Variants in CATSPER3 observed in about 807,000 individuals in gnomAD.
CATSPER3 encodes the protein cation channel sperm-associated protein 3.
In CATSPER3, 23 loss-of-function variants were observed where a neutral mutation model predicts 36.6. That is an observed-to-expected ratio of 0.63 (90% confidence interval 0.45 to 0.89). The LOEUF (loss-of-function observed/expected upper bound fraction) is 0.89. Among genes scored for constraint, CATSPER3 ranks in the 40% least tolerant of loss-of-function variants. The pLI, the probability that CATSPER3 is intolerant of heterozygous loss-of-function variation, is 0.00. For synonymous variants in CATSPER3, 172 were observed against 184.1 expected (o/e 0.93, Z 0.53); for missense variants, 474 against 503.9 (o/e 0.94, Z 0.57).
intron 2 of CATSPER3, among the ~76,000 whole-genome samples, chr5:134,989,476 G>A (rs983732818): frequency 1.6e-4 from 24 of 152,132 alleles, no homozygotes; most frequent in African/African-American, 4.6e-4. Context: ...CTAGATCTTC[G>A]GGATAAGGCG....
intron 2 of CATSPER3, among the ~76,000 whole-genome samples, chr5:134,971,247 C>T (rs1190550692): frequency 6.6e-6 from 1 of 152,012 alleles, no homozygotes; most frequent in Non-Finnish European, 1.5e-5. Flanking sequence ...CTGTGCCCGG[C>T]CCCTCCCATC....
At chr5:135,008,311 G>A (rs1752117536) in intron 4 of CATSPER3, among the ~76,000 whole-genome samples, 172 bp downstream of exon 4, 1 of 152,148 alleles carries the variant, frequency 6.6e-6, no homozygotes, top group Non-Finnish European at 1.5e-5. Context: ...CACCCTGCAC[G>A]GGGCTCCATC....
intron 2 of CATSPER3, among the ~76,000 whole-genome samples, chr5:134,982,987 G>A (rs1751767744): frequency 6.6e-6 from 1 of 152,122 alleles, no homozygotes; most frequent in Non-Finnish European, 1.5e-5. Flanking sequence ...ATTAAAAATA[G>A]ATTGTTATAA....
At chr5:134,971,453 G>T (rs1287297022) in intron 2 of CATSPER3, among the ~76,000 whole-genome samples, 2 of 152,024 alleles carry the variant, frequency 1.3e-5, no homozygotes, top group South Asian at 4.2e-4. Context: ...GAGCAACTAG[G>T]TAGCAAAGCC....
At chr5:134,972,847 A>T (rs1012656117) in intron 2 of CATSPER3, among the ~76,000 whole-genome samples, 2 of 152,232 alleles carry the variant, frequency 1.3e-5, no homozygotes, top group African/African-American at 4.8e-5. Flanking sequence ...AACATATTCT[A>T]GTAAAATTAT....
At chr5:134,971,916 C>G (rs1001671866) in intron 2 of CATSPER3, among the ~76,000 whole-genome samples, 1 of 152,142 alleles carries the variant, frequency 6.6e-6, no homozygotes, top group African/African-American at 2.4e-5. Context: ...AGAATGAGCT[C>G]AGTGAGGTTA....
At chr5:134,995,102 G>A (rs1751928765) in intron 2 of CATSPER3, among the ~76,000 whole-genome samples, 2 of 151,414 alleles carry the variant, frequency 1.3e-5, no homozygotes, top group African/African-American at 4.9e-5. Flanking sequence ...AATCAAATCA[G>A]GATAATTGCC....
chr5:134,981,807 G>A (rs1751755648), intron 2 of CATSPER3, among the ~76,000 whole-genome samples: 1 of 152,190 alleles, frequency 6.6e-6, no homozygotes, highest in South Asian at 2.1e-4. Flanking sequence ...CCCAGTCATT[G>A]GAATTACTAG....
At chr5:134,976,183 T>C (rs1423612167) in intron 2 of CATSPER3, among the ~76,000 whole-genome samples, 1 of 152,176 alleles carries the variant, frequency 6.6e-6, no homozygotes, top group Non-Finnish European at 1.5e-5. Context: ...TTCTGCAGGC[T>C]GTACAGGAAG....
intron 2 of CATSPER3, among the ~76,000 whole-genome samples, chr5:134,975,549 G>T (rs1484362302): frequency 6.6e-6 from 1 of 152,160 alleles, no homozygotes; most frequent in Non-Finnish European, 1.5e-5. Flanking sequence ...GGAGGTCAAG[G>T]CTGTAGTGAG....
chr5:134,997,523 A>G (rs140850443), intron 3 of CATSPER3, among the ~76,000 whole-genome samples: 3 of 152,266 alleles, frequency 2.0e-5, no homozygotes, highest in African/African-American at 7.2e-5. Flanking sequence ...CCTACACTCC[A>G]GAATATCTAG....
In CATSPER3 at chr5:134,996,458, T is replaced by C. The variant is rs1469798240; in HGVS notation, c.438T>C (p.Asp146=). 15 of 1,614,104 alleles carry C rather than the reference T, an allele frequency of 9.3e-6. No individual in the cohort carries two copies. Among genetic ancestry groups the C allele is most frequent in the South Asian group, 1.1e-5 (1 of 91,090 alleles). Residue 146 remains aspartate (D), a synonymous_variant, in exon 3 of 8, where the codon GAT becomes GAC. Coordinates refer to ENST00000282611, the MANE Select transcript of CATSPER3 (RefSeq NM_178019.3). ...GKQFTYLYIA[D]GMQSLRILKL... is the part of the protein sequence containing the mutation. ...AGTTCACTTACCTGTATATCGCTGA[T>C]GGCATGCAGTCCCTGCGCATCCTCA...
intron 3 of CATSPER3, among the ~76,000 whole-genome samples, chr5:134,998,636 A>G (rs1042055349): frequency 4.6e-5 from 7 of 152,198 alleles, no homozygotes; most frequent in Non-Finnish European, 8.8e-5. Flanking sequence ...ATGGTATCTC[A>G]TTGTGGTTTT....
intron 3 of CATSPER3, among the ~76,000 whole-genome samples, chr5:135,004,795 C>T (rs1353841047): frequency 6.6e-6 from 1 of 152,158 alleles, no homozygotes; most frequent in African/African-American, 2.4e-5. Context: ...AAGGTTGGCC[C>T]TGCCCAAAAG....
intron 3 of CATSPER3, among the ~76,000 whole-genome samples, chr5:135,002,196 G>A (rs1752028405): frequency 6.6e-6 from 1 of 152,200 alleles, no homozygotes; most frequent in Non-Finnish European, 1.5e-5. Flanking sequence ...TGTCTGTAAA[G>A]TATTTTATTT....
At chr5:134,976,946 G>A (rs1349504659) in intron 2 of CATSPER3, among the ~76,000 whole-genome samples, 1 of 152,212 alleles carries the variant, frequency 6.6e-6, no homozygotes, top group African/African-American at 2.4e-5. Flanking sequence ...CCAGGATGTG[G>A]GGAGCAGTGT....
intron 2 of CATSPER3, among the ~76,000 whole-genome samples, chr5:134,986,405 A>G (rs563948826): frequency 2.6e-5 from 4 of 151,384 alleles, no homozygotes; most frequent in African/African-American, 9.7e-5. Flanking sequence ...CGGCCTCCCA[A>G]AGTGCTGGAA....
intron 2 of CATSPER3, among the ~76,000 whole-genome samples, chr5:134,995,246 G>A (rs931816715): frequency 3.3e-5 from 5 of 151,738 alleles, no homozygotes; most frequent in East Asian, 1.9e-4. Context: ...ATTTCTTCTC[G>A]GTGTGTATTT....
intron 2 of CATSPER3, among the ~76,000 whole-genome samples, chr5:134,981,149 T>C (rs1242127855): frequency 6.6e-6 from 1 of 151,934 alleles, no homozygotes; most frequent in Non-Finnish European, 1.5e-5. Context: ...CCAAACCCTC[T>C]CTCTCTCTCC....
Sources: gnomAD v4.1 joint callset for allele counts (sites outside exome capture counted in the v4.1 genomes callset) on GRCh38, gnomAD v4.1.1 for gene constraint, MANE v1.5 for transcripts, NCBI Gene and HGNC (gene_info 2026-07-23, HGNC 2026-07-21) for gene names.